BCO1: variants seen among roughly 807,000 people sequenced by gnomAD.
The protein encoded by BCO1 is beta-carotene oxygenase 1, also known as beta,beta-carotene 15,15'-dioxygenase.
A neutral mutation model predicts 56.3 loss-of-function variants in BCO1; 54 were observed. The ratio of observed to expected loss-of-function variants is 0.96; its 90% confidence interval spans 0.77 to 1.20. The LOEUF (loss-of-function observed/expected upper bound fraction) is 1.20. Ranked by LOEUF, BCO1 falls within the 50% of genes most tolerant of loss-of-function variation. The pLI is 0.00. For synonymous variants in BCO1, 318 were observed against 266.1 expected, an observed-to-expected ratio of 1.20 and a Z score of -1.90; for missense variants, 801 against 690.9, an observed-to-expected ratio of 1.16 and a Z score of -1.79.
chr16:81,277,257 ACT>A (rs1225509619), intron 7 of BCO1, among the ~76,000 whole-genome samples: 2 of 151,510 alleles, frequency 1.3e-5, no homozygotes, highest in African/African-American at 4.9e-5. Context: ...CTCCACTTGT[ACT>A]CTCCTCCTGG....
At chr16:81,274,711 C>G (rs919552581) in intron 7 of BCO1, among the ~76,000 whole-genome samples, 1 of 152,182 alleles carries the variant, frequency 6.6e-6, no homozygotes, top group Non-Finnish European at 1.5e-5. Context: ...AACCCTGTCT[C>G]TGCTAAAAAT....
rs771908563 is a variant in BCO1, at chr16:81,267,907, G to A, written c.620-1G>A. ...CTGAGGCTTGCTTTTTGTCTTGCTA[G>A]AGGGCAAGAAGCAGGGGAAGAGCCC... On this transcript the variant is annotated splice_acceptor_variant, in intron 5 of 10. Coordinates refer to ENST00000258168, the MANE Select transcript of BCO1 (RefSeq NM_017429.3). LOFTEE classifies it high-confidence loss of function. The A allele has an allele frequency of 5.0e-6, 8 of 1,613,300 alleles. No homozygotes were observed. The South Asian group carries it at 8.8e-5, about 18-fold the overall frequency.
chr16:81,289,107 C>A (rs1908332144), intron 10 of BCO1, among the ~76,000 whole-genome samples: 1 of 152,208 alleles, frequency 6.6e-6, no homozygotes, highest in African/African-American at 2.4e-5. Flanking sequence ...AGGTCACACA[C>A]CCCTTACATT....
At chr16:81,277,343 C>A (rs1907619144) in intron 7 of BCO1, among the ~76,000 whole-genome samples, 1 of 152,110 alleles carries the variant, frequency 6.6e-6, no homozygotes, top group Middle Eastern at 3.2e-3. Flanking sequence ...TTATGATCCC[C>A]CACGTCTACA....
At chr16:81,255,047 T>G (rs1285624652) in intron 2 of BCO1, among the ~76,000 whole-genome samples, 1 of 152,200 alleles carries the variant, frequency 6.6e-6, no homozygotes, top group Non-Finnish European at 1.5e-5. Flanking sequence ...CCTCTCAAAC[T>G]GCTGGGATTA....
chr16:81,272,042 C>T (rs1012285632), intron 7 of BCO1, among the ~76,000 whole-genome samples: 10 of 151,912 alleles, frequency 6.6e-5, no homozygotes, highest in Non-Finnish European at 1.0e-4. Flanking sequence ...CCACAGTGCC[C>T]GGCCAGTACT....
At position 81,251,900 on chromosome 16, in the gene BCO1, C is replaced by G. The variant is rs142754036; in HGVS notation, c.193+6297C>G. On this transcript the variant is annotated intron_variant, in intron 2 of 10. Transcript: ENST00000258168. ...TGTGTGTGTGTGTGTGTATATATAT[C>G]TATATCTTCCCTTCTTCCCCAAAAT... is the stretch of plus-strand genomic sequence containing the variant. 3.3e-3 allele frequency among the ~76,000 whole-genome samples: 460 copies of G among 138,048 alleles called. 1 individual carries two copies. The highest frequency in any genetic ancestry group is 0.013 in the African/African-American group (425 of 32,794). The allele number at this position is 138,048 out of a possible 152,430, so 90.6% of individuals were successfully genotyped here. A position where few individuals can be genotyped will look rare whatever the true frequency, so the allele number is the denominator to read the frequency against.
At chr16:81,259,321 C>G (rs1383839924) in intron 2 of BCO1, among the ~76,000 whole-genome samples, 2 of 151,972 alleles carry the variant, frequency 1.3e-5, no homozygotes, top group Non-Finnish European at 2.9e-5. Flanking sequence ...TGGTGAAACC[C>G]CATCTCTACT....
chr16:81,259,595 A>G, intron 2 of BCO1, 81 bp from the exon 3 acceptor site: 1 of 1,587,516 alleles, frequency 6.3e-7, no homozygotes, highest in Non-Finnish European at 8.6e-7. Flanking sequence ...TTCTCCCAGT[A>G]AAACCCATAC....
intron 2 of BCO1, among the ~76,000 whole-genome samples, chr16:81,257,333 C>T (rs1199934503): frequency 2.6e-5 from 4 of 152,032 alleles, no homozygotes; most frequent in Admixed American, 6.6e-5. Context: ...GGCGCGATCT[C>T]GGCTCACTGC....
intron 9 of BCO1, among the ~76,000 whole-genome samples, chr16:81,286,021 TTTTTG>T (rs901041056): frequency 3.1e-4 from 47 of 150,102 alleles, no homozygotes; most frequent in African/African-American, 1.0e-3. Context: ...TTTGCTTCTT[TTTTTG>T]TTTTGTTTTG....
In BCO1 at chr16:81,270,270, A is replaced by G. The variant is rs1907106371; in HGVS notation, c.955A>G (p.Ile319Val). ...HVNAYEEDGC[I>V]VFDVIAYEDN... Reference sequence around the variant, plus strand: ...CAACGCCTACGAAGAGGACGGCTGCATCGTGTTTGACGTCATTGCCTACGA... The same window carrying G: ...CAACGCCTACGAAGAGGACGGCTGCGTCGTGTTTGACGTCATTGCCTACGA... The change falls in exon 7 of 11, where the codon ATC (isoleucine) becomes GTC (valine). Residue 319 changes from isoleucine (I) to valine (V), a missense_variant. Physicochemically the swap from Ile to Val is conservative, Grantham distance 29. Coordinates refer to ENST00000258168, the MANE Select transcript of BCO1 (RefSeq NM_017429.3). 1 of 1,614,210 alleles carries G rather than the reference A, an allele frequency of 6.2e-7. No homozygotes were observed.
intron 6 of BCO1, among the ~76,000 whole-genome samples, chr16:81,268,783 G>T (rs895892410): frequency 6.6e-6 from 1 of 151,896 alleles, no homozygotes; most frequent in Non-Finnish European, 1.5e-5. Flanking sequence ...TTTTATTGTG[G>T]GGGGGTTGTT....
At chr16:81,270,750 T>A (rs1218437758) in intron 7 of BCO1, among the ~76,000 whole-genome samples, 1 of 115,822 alleles carries the variant, frequency 8.6e-6, no homozygotes, top group East Asian at 3.2e-4. Flanking sequence ...TTGTACATAA[T>A]TTTTTTTTTT....
At chr16:81,248,405 C>CAAAAAAAA (rs372084002) in intron 2 of BCO1, among the ~76,000 whole-genome samples, 1,971 of 102,650 alleles carry the variant, frequency 0.019, 46 homozygotes, top group African/African-American at 0.04. Context: ...CTCCCTCTCA[C>CAAAAAAAA]AAAAAAAAAA....
chr16:81,255,704 A>G (rs912885341), intron 2 of BCO1, among the ~76,000 whole-genome samples: 8 of 151,932 alleles, frequency 5.3e-5, no homozygotes, highest in African/African-American at 1.9e-4. Flanking sequence ...ACAGGGTTTC[A>G]CCGTATAGGC....
chr16:81,269,444 C>T (rs116838009), intron 6 of BCO1, among the ~76,000 whole-genome samples: 2,883 of 152,032 alleles, frequency 0.019, 44 homozygotes, highest in Middle Eastern at 0.037. Flanking sequence ...TATAGGCACA[C>T]GCCACAATGC....
rs186917478 is a variant in BCO1, at chr16:81,245,738, A to C, written c.193+135A>C. On this transcript the variant is annotated intron_variant, in intron 2 of 10. Transcript: ENST00000258168. ...ATCGGGTCTCACTGAACTGAAATCA[A>C]GGTGTTCATAGGGCCACATTCAGTT... 8 of 1,084,838 alleles carry C rather than the reference A, an allele frequency of 7.4e-6. No individual in the cohort carries two copies. In the East Asian group the frequency reaches 1.8e-4, roughly 25 times the overall value. The allele number at this position is 1,084,838 out of a possible 1,614,324, so 67.2% of individuals were successfully genotyped here.
At chr16:81,267,015 C>A (rs1010949732) in intron 5 of BCO1, among the ~76,000 whole-genome samples, 1 of 152,134 alleles carries the variant, frequency 6.6e-6, no homozygotes, top group Non-Finnish European at 1.5e-5. Context: ...GTGGGGAGGC[C>A]TTTTGACCAG....
Sources: allele counts gnomAD v4.1 joint callset (sites outside exome capture counted in the v4.1 genomes callset), GRCh38; gene constraint gnomAD v4.1.1; transcripts MANE v1.5; gene names NCBI Gene and HGNC (gene_info 2026-07-23, HGNC 2026-07-21).